TAAR1: variants seen among roughly 807,000 people sequenced by gnomAD.
TAAR1 encodes the protein trace amine-associated receptor 1.
TAAR1 carries 1 observed loss-of-function variant against 1.2 expected under a neutral mutation model. The observed-to-expected ratio is 0.81, with a 90% CI of 0.29 to 3.86. The LOEUF (loss-of-function observed/expected upper bound fraction) is 3.86, where lower values mean the gene tolerates loss of function less well. TAAR1 is among the 30% of genes most tolerant of loss of function. The pLI, the probability that TAAR1 is intolerant of heterozygous loss-of-function variation, is 0.18. For missense variants in TAAR1, 445 were observed against 405.6 expected (o/e 1.10, Z -0.83); for synonymous variants, 153 against 132.2 (o/e 1.16, Z -1.08).
chr6:132,650,401 G>A (rs1777737362), intron 1 of TAAR1, among the ~76,000 whole-genome samples: 1 of 152,052 alleles, frequency 6.6e-6, no homozygotes, highest in African/African-American at 2.4e-5. Context: ...ACTCCACTCT[G>A]GCACACTGAA....
rs11309032 is a variant in TAAR1 at position 132,644,357 on chromosome 6, AT to A, written c.*626del. 0.06 allele frequency among the ~76,000 whole-genome samples: 9,054 copies of A among 151,848 alleles called. 309 individuals carry two copies. The highest frequency in any genetic ancestry group is 0.11 in the East Asian group (576 of 5,182). On this transcript the variant is annotated 3_prime_UTR_variant, in exon 2 of 2. Transcript: ENST00000275216. Reference sequence around the variant, plus strand: ...TACCAGGAAGTATACTATGAATAACATTTTTTTAATTTCATTTGGTTTGTAT... The same window carrying A: ...TACCAGGAAGTATACTATGAATAACATTTTTTAATTTCATTTGGTTTGTAT...
intron 1 of TAAR1, among the ~76,000 whole-genome samples, chr6:132,646,595 T>C (rs1454926536): frequency 2.0e-5 from 3 of 152,194 alleles, no homozygotes; most frequent in African/African-American, 7.2e-5. Flanking sequence ...TGGTCATACG[T>C]AAATTATATA....
chr6:132,656,113 T>C (rs1777802018), intron 1 of TAAR1, among the ~76,000 whole-genome samples: 1 of 152,166 alleles, frequency 6.6e-6, no homozygotes, highest in Non-Finnish European at 1.5e-5. Context: ...CCTGTGACCT[T>C]GAACATACTA....
chr6:132,648,154 A>G (rs1777708526), intron 1 of TAAR1, among the ~76,000 whole-genome samples: 2 of 152,186 alleles, frequency 1.3e-5, no homozygotes, highest in Non-Finnish European at 2.9e-5. Context: ...GCATTTAACT[A>G]AACTCAATCA....
At chr6:132,656,006 G>A (rs747228990) in intron 1 of TAAR1, among the ~76,000 whole-genome samples, 2 of 152,076 alleles carry the variant, frequency 1.3e-5, no homozygotes, top group East Asian at 1.9e-4. Context: ...AGGGGAAATC[G>A]AACGCTTTGC....
intron 1 of TAAR1, among the ~76,000 whole-genome samples, chr6:132,656,353 T>C (rs969748647): frequency 6.6e-6 from 1 of 152,014 alleles, no homozygotes; most frequent in Non-Finnish European, 1.5e-5. Flanking sequence ...TATATTTAAA[T>C]TTAAATAGAT....
chr6:132,648,738 T>A (rs912905205), intron 1 of TAAR1, among the ~76,000 whole-genome samples: 9 of 152,220 alleles, frequency 5.9e-5, no homozygotes, highest in Non-Finnish European at 1.3e-4. Flanking sequence ...TGAAAGCTTA[T>A]CTAAGGACCT....
At chr6:132,650,175 C>T (rs1419571962) in intron 1 of TAAR1, among the ~76,000 whole-genome samples, 1 of 152,146 alleles carries the variant, frequency 6.6e-6, no homozygotes, top group Non-Finnish European at 1.5e-5. Flanking sequence ...GCTTCCTTTC[C>T]AACAATTTTT....
rs576798008 is a variant in TAAR1, at chr6:132,645,770, A to T, written c.234T>A (p.Pro78=). 2 of 1,613,788 alleles carry T rather than the reference A, an allele frequency of 1.2e-6. No individual in the cohort carries two copies. The highest frequency in any genetic ancestry group is 4.5e-5 in the East Asian group (2 of 44,870). ...VDFLLGCLVM[P]YSMVRSAEHC... The stretch of plus-strand genomic sequence containing the variant: ...GCTCAGCAGATCTCACCATACTGTA[A>T]GGCATGACCAGACACCCCAGAAGAA... Residue 78 remains proline (P), a synonymous_variant, in exon 2 of 2, where the codon CCT becomes CCA. Coordinates refer to ENST00000275216, the MANE Select transcript of TAAR1 (RefSeq NM_138327.4).
At chr6:132,647,642 A>AAG (rs1777696914) in intron 1 of TAAR1, among the ~76,000 whole-genome samples, 1 of 141,228 alleles carries the variant, frequency 7.1e-6, no homozygotes, top group Non-Finnish European at 1.5e-5. Flanking sequence ...GAAAGAAAGA[A>AAG]AGAAAGAAAG....
chr6:132,646,356 A>G (rs1021055904), intron 1 of TAAR1, among the ~76,000 whole-genome samples: 10 of 152,180 alleles, frequency 6.6e-5, no homozygotes, highest in African/African-American at 2.2e-4. Flanking sequence ...TGAAACTGCC[A>G]CATTTGTAGG....
In TAAR1 at chr6:132,653,993, A is replaced by G. The variant is rs182777968; in HGVS notation, c.-127+5137T>C. 3.6e-3 allele frequency among the ~76,000 whole-genome samples: 548 copies of G among 152,298 alleles called. 5 individuals are homozygous for G. In the Middle Eastern group the frequency reaches 0.037, roughly 10 times the overall value. ...AAAATGTTCTGGGAAAAAAACATAA[A>G]TGCTAGGTGAATCCCTTAAATAGTC... is the stretch of plus-strand genomic sequence containing the variant. On this transcript the variant is annotated intron_variant, in intron 1 of 1. Transcript: ENST00000275216.
intron 1 of TAAR1, among the ~76,000 whole-genome samples, chr6:132,651,693 TC>T (rs1457794021): frequency 6.6e-6 from 1 of 152,114 alleles, no homozygotes; most frequent in Non-Finnish European, 1.5e-5. Context: ...CCCAGCTGGT[TC>T]CCCTGCTTCT....
rs985374495 is a variant in TAAR1 at position 132,643,494 on chromosome 6, T to A, written c.*1490A>T. Among the ~76,000 whole-genome samples, 4 of 152,008 alleles carry A rather than the reference T, an allele frequency of 2.6e-5. No homozygotes were observed. Among genetic ancestry groups the A allele is most frequent in the Non-Finnish European group, 1.5e-5 (1 of 67,920 alleles). On this transcript the variant is annotated 3_prime_UTR_variant, in exon 2 of 2. Coordinates refer to ENST00000275216, the MANE Select transcript of TAAR1 (RefSeq NM_138327.4). Reference sequence around the variant, plus strand: ...TAAAACATAATGTTTTTAAAAGTACTAGAGCAAAAATTGATACAGATCATT... The same window carrying A: ...TAAAACATAATGTTTTTAAAAGTACAAGAGCAAAAATTGATACAGATCATT...
At chr6:132,646,528 G>T (rs1306908374) in intron 1 of TAAR1, among the ~76,000 whole-genome samples, 1 of 152,080 alleles carries the variant, frequency 6.6e-6, no homozygotes, top group African/African-American at 2.4e-5. Flanking sequence ...AAGACAAGAA[G>T]TCTTTTAAAT....
At chr6:132,657,540 T>C (rs115269310) in intron 1 of TAAR1, among the ~76,000 whole-genome samples, 2,404 of 152,118 alleles carry the variant, frequency 0.016, 69 homozygotes, top group African/African-American at 0.055. Context: ...TATACAATTA[T>C]GTATTCTAAA....
chr6:132,645,375 T>C lies in TAAR1; in HGVS notation c.629A>G (p.Tyr210Cys), dbSNP rs1777652725. 3 of 1,613,510 alleles carry C rather than the reference T, an allele frequency of 1.9e-6. No homozygotes were observed. The highest frequency in any genetic ancestry group is 2.2e-5 in the South Asian group (2 of 91,052). Residue 210 changes from tyrosine to cysteine, a missense_variant, in exon 2 of 2, where the codon TAT (tyrosine) becomes TGT (cysteine). Tyr to Cys is a radical substitution (Grantham distance 194). Transcript: ENST00000275216. The part of the protein sequence containing the change: ...YIPGSIMLCV[Y>C]YRIYLIAKEQ... ...TTTAGCGATAAGATATATTCTGTAA[T>C]AGACACATAACATAATAGATCCAGG...
intron 1 of TAAR1, among the ~76,000 whole-genome samples, chr6:132,654,127 C>T (rs1376200384): frequency 2.6e-5 from 4 of 152,134 alleles, no homozygotes; most frequent in Non-Finnish European, 4.4e-5. Flanking sequence ...AACCAAGAAA[C>T]CCTTAAGTTT....
chr6:132,657,411 T>C (rs956564865), intron 1 of TAAR1, among the ~76,000 whole-genome samples: 9 of 152,022 alleles, frequency 5.9e-5, no homozygotes, highest in African/African-American at 2.2e-4. Context: ...TCAGTAGACA[T>C]ATGATATGTA....
Sources: allele counts gnomAD v4.1 joint callset (sites outside exome capture counted in the v4.1 genomes callset), GRCh38; gene constraint gnomAD v4.1.1; transcripts MANE v1.5; gene names NCBI Gene and HGNC (gene_info 2026-07-23, HGNC 2026-07-21).